Variants in PLXDC2 observed in about 807,000 individuals in gnomAD.
The protein encoded by PLXDC2 is plexin domain containing 2, also known as plexin domain-containing protein 2.
In PLXDC2, 40 loss-of-function variants were observed where a neutral mutation model predicts 68.9. That is an observed-to-expected ratio of 0.58 (90% CI 0.45 to 0.76). The LOEUF (loss-of-function observed/expected upper bound fraction) is 0.76. Among genes scored for constraint, PLXDC2 ranks in the 30% least tolerant of loss-of-function variants. PLXDC2 has a pLI of 0.00. For missense variants in PLXDC2, 644 were observed against 661.9 expected (o/e 0.97, Z 0.30); for synonymous variants, 243 against 234.2 (o/e 1.04, Z -0.34).
chr10:19,988,626 A>G (rs1477982941), intron 1 of PLXDC2, among the ~76,000 whole-genome samples: 1 of 152,112 alleles, frequency 6.6e-6, no homozygotes, highest in Non-Finnish European at 1.5e-5. Flanking sequence ...AAGATAAAAC[A>G]TATTCATATT....
chr10:20,098,346 C>CGTGTGTGTGTGTGTGT (rs762519549), intron 4 of PLXDC2, among the ~76,000 whole-genome samples: 132 of 103,110 alleles, frequency 1.3e-3, no homozygotes, highest in South Asian at 4.0e-3. Flanking sequence ...CATTTTCGTG[C>CGTGTGTGTGTGTGTGT]GTGTGTGTGT....
chr10:19,930,342 G>GT (rs773614328), intron 1 of PLXDC2, among the ~76,000 whole-genome samples: 1 of 152,026 alleles, frequency 6.6e-6, no homozygotes, highest in Non-Finnish European at 1.5e-5. Flanking sequence ...AGCCGGGTTG[G>GT]TTTTTTCCAC....
At chr10:19,900,981 ATGTGTGTGTG>A (rs71388879) in intron 1 of PLXDC2, among the ~76,000 whole-genome samples, 12,564 of 144,540 alleles carry the variant, frequency 0.087, 593 homozygotes, top group Non-Finnish European at 0.12. Flanking sequence ...TATATGTGTG[ATGTGTGTGTG>A]TGTGTGTGTG....
intron 1 of PLXDC2, among the ~76,000 whole-genome samples, chr10:19,937,269 C>T (rs143864106): frequency 2.6e-4 from 40 of 152,134 alleles, no homozygotes; most frequent in African/African-American, 9.4e-4. Flanking sequence ...CATGGATGGT[C>T]TTAGTCCCAC....
At chr10:20,138,510 G>A (rs1381885477) in intron 4 of PLXDC2, among the ~76,000 whole-genome samples, 1 of 152,220 alleles carries the variant, frequency 6.6e-6, no homozygotes, top group Non-Finnish European at 1.5e-5. Flanking sequence ...TACTACCCAT[G>A]TGGCTTTAGG....
At chr10:20,153,034 G>T (rs947786185) in intron 6 of PLXDC2, among the ~76,000 whole-genome samples, 1 of 152,108 alleles carries the variant, frequency 6.6e-6, no homozygotes, top group African/African-American at 2.4e-5. Context: ...GTCCTTCAGG[G>T]ATCTCCACTA....
intron 13 of PLXDC2, among the ~76,000 whole-genome samples, chr10:20,256,181 C>T (rs948364877): frequency 3.3e-5 from 5 of 151,532 alleles, no homozygotes; most frequent in Admixed American, 6.6e-5. Context: ...TGCCGAGGCT[C>T]GGGTACAGTG....
At chr10:20,161,518 G>A (rs913499433) in intron 6 of PLXDC2, among the ~76,000 whole-genome samples, 2 of 150,564 alleles carry the variant, frequency 1.3e-5, no homozygotes, top group Admixed American at 6.6e-5. Flanking sequence ...CCTGGAATCT[G>A]AGTGGGAGAG....
intron 4 of PLXDC2, among the ~76,000 whole-genome samples, chr10:20,133,937 A>G (rs551919578): frequency 8.4e-4 from 128 of 152,270 alleles, no homozygotes; most frequent in African/African-American, 3.0e-3. Context: ...GTAAATTTAA[A>G]TGCTCTGTCT....
At chr10:20,097,028 C>T (rs538516071) in intron 4 of PLXDC2, among the ~76,000 whole-genome samples, 2 of 151,956 alleles carry the variant, frequency 1.3e-5, no homozygotes, top group Non-Finnish European at 2.9e-5. Flanking sequence ...TCATTTCTGT[C>T]GGATACTCGG....
chr10:20,119,726 C>G (rs1019824402), intron 4 of PLXDC2, among the ~76,000 whole-genome samples: 1 of 151,602 alleles, frequency 6.6e-6, no homozygotes, highest in Non-Finnish European at 1.5e-5. Flanking sequence ...CTGCTTCGAG[C>G]GGGATTAGGG....
At chr10:19,994,354 G>T (rs1392049909) in intron 1 of PLXDC2, among the ~76,000 whole-genome samples, 17 of 59,824 alleles carry the variant, frequency 2.8e-4, no homozygotes, top group Non-Finnish European at 5.0e-4. Flanking sequence ...ACAGCTTCTT[G>T]CTGTCACCCA....
At chr10:19,916,882 CA>C (rs1833377487) in intron 1 of PLXDC2, among the ~76,000 whole-genome samples, 2 of 152,074 alleles carry the variant, frequency 1.3e-5, no homozygotes, top group South Asian at 4.1e-4. Context: ...GTCTCTAGAG[CA>C]AAATTCCATG....
At chr10:20,243,551 G>A (rs1183811656) in intron 12 of PLXDC2, among the ~76,000 whole-genome samples, 5 of 152,046 alleles carry the variant, frequency 3.3e-5, no homozygotes, top group South Asian at 2.1e-4. Context: ...GAGGGGAGGT[G>A]GAAAGAATTA....
chr10:19,882,022 C>T (rs935058756), intron 1 of PLXDC2, among the ~76,000 whole-genome samples: 1 of 152,156 alleles, frequency 6.6e-6, no homozygotes, highest in Non-Finnish European at 1.5e-5. Context: ...GGTTCCAGCT[C>T]AAGTTCATGT....
chr10:19,825,958 G>T (rs1836561638), intron 1 of PLXDC2, among the ~76,000 whole-genome samples: 1 of 152,094 alleles, frequency 6.6e-6, no homozygotes, highest in African/African-American at 2.4e-5. Context: ...TCTCCTTTTG[G>T]CTTTCTCTTC....
At chr10:19,990,790 G>A (rs945457748) in intron 1 of PLXDC2, among the ~76,000 whole-genome samples, 2 of 152,144 alleles carry the variant, frequency 1.3e-5, no homozygotes, top group South Asian at 4.1e-4. Context: ...ATTTAGGAAA[G>A]CAATGTCAGA....
chr10:19,867,837 G>A (rs904582545), intron 1 of PLXDC2, among the ~76,000 whole-genome samples: 2 of 152,098 alleles, frequency 1.3e-5, no homozygotes, highest in African/African-American at 2.4e-5. Flanking sequence ...AAAATATAGT[G>A]TGTATGTATA....
chr10:20,242,376 A>G (rs2119328879), intron 12 of PLXDC2, among the ~76,000 whole-genome samples: 1 of 152,308 alleles, frequency 6.6e-6, no homozygotes, highest in African/African-American at 2.4e-5. Flanking sequence ...AGTGCTTATT[A>G]TGAGTCAGGT....
Sources: allele counts gnomAD v4.1 joint callset (sites outside exome capture counted in the v4.1 genomes callset), GRCh38; gene constraint gnomAD v4.1.1; transcripts MANE v1.5; gene names NCBI Gene and HGNC (gene_info 2026-07-23, HGNC 2026-07-21).